Variants in UBAP2L observed in about 807,000 individuals in gnomAD.
UBAP2L encodes ubiquitin associated protein 2 like, also known as ubiquitin-associated protein 2-like.
A neutral mutation model predicts 130.6 loss-of-function variants in UBAP2L; 12 were observed. That is an observed-to-expected ratio of 0.09 (90% CI 0.06 to 0.15). The LOEUF (loss-of-function observed/expected upper bound fraction) is 0.15. Among genes scored for constraint, UBAP2L ranks in the 10% least tolerant of loss-of-function variants. The pLI is 1.00. For missense variants in UBAP2L, 965 were observed against 1,332.5 expected, an observed-to-expected ratio of 0.72 and a Z score of 4.29; for synonymous variants, 503 against 524.7, an observed-to-expected ratio of 0.96 and a Z score of 0.57.
At chr1:154,238,783 C>T (rs1672537129) in intron 8 of UBAP2L, among the ~76,000 whole-genome samples, 1 of 151,782 alleles carries the variant, frequency 6.6e-6, no homozygotes, top group South Asian at 2.1e-4. Context: ...CTCTGTCACT[C>T]AGGCTGGAGT....
chr1:154,220,534 A>G (rs563231443), upstream of UBAP2L: 7 of 928,014 alleles, frequency 7.5e-6, no homozygotes, highest in African/African-American at 9.9e-5. Flanking sequence ...ACGGGGGAAG[A>G]CCAAGCCAGA....
chr1:154,234,487 GC>G, intron 4 of UBAP2L, 103 bp from the exon 5 acceptor site: 1 of 1,230,872 alleles, frequency 8.1e-7, no homozygotes, highest in East Asian at 2.4e-5. Context: ...AGACATGGAT[GC>G]TGAGTGGAGA....
Position 154,243,205 on chromosome 1 carries a change from T to C in UBAP2L, c.757-12T>C. ...CCTGACACCAAGAGTGACTAATCCC[T>C]CTGTTTTCCAGCTTTCTGAGACCAA... On this transcript the variant is annotated splice_polypyrimidine_tract_variant and intron_variant, in intron 9 of 26. Coordinates refer to ENST00000428931, the MANE Select transcript of UBAP2L (RefSeq NM_014847.4). 6.2e-7 allele frequency: 1 copy of C among 1,609,692 alleles called. No individual in the cohort carries two copies. Among genetic ancestry groups the C allele is most frequent in the African/African-American group, 1.3e-5 (1 of 74,946 alleles).
At chr1:154,255,804 G>A in intron 18 of UBAP2L, 49 bp downstream of exon 18, 1 of 1,594,776 alleles carries the variant, frequency 6.3e-7, no homozygotes, top group Non-Finnish European at 8.6e-7. Context: ...ACTTAGAACT[G>A]TCCAACTGTA....
intron 10 of UBAP2L, 34 bp from the exon 11 acceptor site, chr1:154,246,167 GTCA>G: frequency 2.0e-6 from 1 of 490,702 alleles, no homozygotes; most frequent in Middle Eastern, 8.0e-4. Context: ...AGCGTGTTCA[GTCA>G]TTCTTCATGA....
At chr1:154,227,555 G>GTT (rs764954879) in intron 3 of UBAP2L, among the ~76,000 whole-genome samples, 196 bp downstream of exon 3, 4 of 147,398 alleles carry the variant, frequency 2.7e-5, no homozygotes, top group Non-Finnish European at 6.0e-5. Flanking sequence ...TTTGTTTTTT[G>GTT]TTTTTTTTTC....
At chr1:154,224,636 GT>G (rs1667369331) in intron 1 of UBAP2L, among the ~76,000 whole-genome samples, 1 of 152,170 alleles carries the variant, frequency 6.6e-6, no homozygotes, top group African/African-American at 2.4e-5. Context: ...AGGTAAGGCT[GT>G]TTTCTTAGGT....
rs756307999 is a variant in UBAP2L at position 154,254,010 on chromosome 1, A to G, written c.1775A>G (p.Tyr592Cys). 4.4e-6 allele frequency: 7 copies of G among 1,608,274 alleles called. No individual in the cohort carries two copies. In the African/African-American group the frequency reaches 9.5e-5, roughly 22 times the overall value. ...TSQNNAQGPL[Y>C]EQRSTQTRRY... ...CAAAATAATGCTCAGGGCCCTCTTT[A>G]TGAACAGAGATCCACACAGACTCGG... Residue 592 changes from tyrosine (Y) to cysteine (C), a missense_variant, in exon 15 of 27, where the codon TAT becomes TGT. Tyr to Cys is a radical substitution (Grantham distance 194). This residue lies in a region of UBAP2L where 393 missense variants were observed against 408.1 expected (regional missense o/e 0.96). Transcript: ENST00000428931.
Position 154,235,257 on chromosome 1 carries a change from A to C in UBAP2L, c.510A>C (p.Thr170=). The change falls in exon 6 of 27, where the codon ACA becomes ACC. Residue 170 remains threonine, a synonymous_variant. Transcript: ENST00000428931. ...TKSGGPSGRG[T]ERGRRGRGRG... ...GTGGAGGGCCTTCTGGAAGAGGAACAGAAAGAGGCAGAAGGGGCCGTGGCC... is the reference window on the plus strand; with the variant it reads ...GTGGAGGGCCTTCTGGAAGAGGAACCGAAAGAGGCAGAAGGGGCCGTGGCC... 1.3e-6 allele frequency: 1 copy of C among 779,400 alleles called. No homozygotes were observed. The allele number at this position is 779,400 out of a possible 1,614,324, so 48.3% of individuals were successfully genotyped here.
In UBAP2L at chr1:154,270,841, A is replaced by G; in HGVS notation, c.*546A>G. The G allele has an allele frequency of 6.5e-7, 1 of 1,541,012 alleles. No homozygotes were observed. The highest frequency in any genetic ancestry group is 8.7e-7 in the Non-Finnish European group (1 of 1,144,700). On this transcript the variant is annotated 3_prime_UTR_variant, in exon 27 of 27. Coordinates refer to ENST00000428931, the MANE Select transcript of UBAP2L (RefSeq NM_014847.4). ...TGTGTCTTGTATATATAAAAAGAAA[A>G]CCTCTACCTTCAGCCTCTGCCTATT... is the stretch of plus-strand genomic sequence containing the variant.
chr1:154,266,358 C>T (rs1462898391), intron 24 of UBAP2L, 143 bp from the exon 25 acceptor site: 1 of 808,916 alleles, frequency 1.2e-6, no homozygotes, highest in Admixed American at 1.8e-5. Context: ...TCTTACCTCT[C>T]AGGACTAACT....
chr1:154,231,841 A>G (rs1253476272), intron 4 of UBAP2L, among the ~76,000 whole-genome samples: 1 of 152,216 alleles, frequency 6.6e-6, no homozygotes, highest in Non-Finnish European at 1.5e-5. Flanking sequence ...TAGACATAAT[A>G]CTTGATACCC....
chr1:154,235,310 G>A lies in UBAP2L; in HGVS notation c.544+19G>A, dbSNP rs778946004. 1 of 745,622 alleles carries A rather than the reference G, an allele frequency of 1.3e-6. No individual in the cohort carries two copies. Among genetic ancestry groups the A allele is most frequent in the African/African-American group, 1.8e-5 (1 of 56,590 alleles). The allele number at this position is 745,622 out of a possible 1,614,324, so 46.2% of individuals were successfully genotyped here. On this transcript the variant is annotated intron_variant, in intron 6 of 26. Coordinates refer to ENST00000428931, the MANE Select transcript of UBAP2L (RefSeq NM_014847.4). ...GGCAGAGGTGATCAGTTTGTTGGGG[G>A]ATGGATATTGGGGGCAGGTTACTCT...
At chr1:154,240,400 C>G (rs1368820947) in intron 8 of UBAP2L, among the ~76,000 whole-genome samples, 2 of 151,928 alleles carry the variant, frequency 1.3e-5, no homozygotes, top group African/African-American at 4.8e-5. Context: ...CCAGTAGAAA[C>G]TGTATCCCAG....
At chr1:154,267,320 A>G (rs1010021396) in intron 25 of UBAP2L, among the ~76,000 whole-genome samples, 1 of 150,430 alleles carries the variant, frequency 6.6e-6, no homozygotes, top group Admixed American at 6.6e-5. Flanking sequence ...CGCGCCTGCT[A>G]ATTTTTGTAT....
intron 2 of UBAP2L, 39 bp from the exon 3 acceptor site, chr1:154,227,243 C>T (rs749493580): frequency 1.3e-6 from 2 of 1,572,170 alleles, no homozygotes; most frequent in Non-Finnish European, 1.7e-6. Context: ...AAACTGTTGC[C>T]TCATGATTAT....
chr1:154,248,709 G>T (rs925039051), intron 11 of UBAP2L, among the ~76,000 whole-genome samples: 1 of 152,038 alleles, frequency 6.6e-6, no homozygotes, highest in Non-Finnish European at 1.5e-5. Context: ...CCAGCTACTC[G>T]GGAGGCTGAG....
chr1:154,255,296 T>G lies in UBAP2L; in HGVS notation c.2054T>G (p.Ile685Ser). 1 of 1,614,130 alleles carries G rather than the reference T, an allele frequency of 6.2e-7. No individual in the cohort carries two copies. The highest frequency in any genetic ancestry group is 8.5e-7 in the Non-Finnish European group (1 of 1,180,016). ...SLGGLSHSEE[I>S]PNTTTTQHSS... The stretch of plus-strand genomic sequence containing the variant: ...GGTGGCTTGAGCCACAGTGAGGAGA[T>G]TCCAAATACTACCACCACACAACAC... The change falls in exon 17 of 27, where the codon ATT becomes AGT. Residue 685 changes from isoleucine to serine, a missense_variant. Around this residue, in one of 9 missense-constraint regions of UBAP2L, gnomAD observed 393 missense variants for 408.1 expected, o/e 0.96. Coordinates refer to ENST00000428931, the MANE Select transcript of UBAP2L (RefSeq NM_014847.4).
At chr1:154,222,836 C>A (rs570869747) in intron 1 of UBAP2L, among the ~76,000 whole-genome samples, 20 of 152,284 alleles carry the variant, frequency 1.3e-4, no homozygotes, top group South Asian at 8.3e-4. Flanking sequence ...AGTGAAATTT[C>A]TCTGGCTATT....
Sources: allele counts gnomAD v4.1 joint callset (sites outside exome capture counted in the v4.1 genomes callset), GRCh38; gene constraint gnomAD v4.1.1; regional missense constraint gnomAD v4.1.1; transcripts MANE v1.5; gene names NCBI Gene and HGNC (gene_info 2026-07-23, HGNC 2026-07-21).